FXN: variants seen among roughly 807,000 people sequenced by gnomAD.
The protein encoded by FXN is frataxin.
FXN carries 14 observed loss-of-function variants against 22.4 expected under a neutral mutation model. The ratio of observed to expected loss-of-function variants is 0.62; its 90% CI spans 0.41 to 0.98. The LOEUF (loss-of-function observed/expected upper bound fraction) is 0.98, where lower values mean the gene tolerates loss of function less well. Among genes scored for constraint, FXN ranks in the 50% least tolerant of loss-of-function variants. The pLI is 0.00. For missense variants in FXN, 267 were observed against 268.4 expected (o/e 0.99, Z 0.04); for synonymous variants, 120 against 114.1 (o/e 1.05, Z -0.33).
rs1832346287 is a variant in FXN, at chr9:69,075,346, G to C, written c.*2584G>C. The C allele has an allele frequency of 6.8e-6, 4 of 586,500 alleles. No homozygotes were observed. Among genetic ancestry groups the C allele is most frequent in the Non-Finnish European group, 8.6e-6 (4 of 466,126 alleles). The allele number at this position is 586,500 out of a possible 1,614,324, so 36.3% of individuals were successfully genotyped here. A position where few individuals can be genotyped will look rare whatever the true frequency, so the allele number is the denominator to read the frequency against. On this transcript the variant is annotated 3_prime_UTR_variant, in exon 5 of 5. Transcript: ENST00000484259. The stretch of plus-strand genomic sequence containing the variant: ...GTGGTGGTTCGTGCCTATAATTTCA[G>C]CTACTCAGGAGGCTGAGGCAGGAGA...
chr9:69,073,507 A>G lies in FXN; in HGVS notation c.*745A>G, dbSNP rs1393440956. 3 of 985,436 alleles carry G rather than the reference A, an allele frequency of 3.0e-6. No individual in the cohort carries two copies. The highest frequency in any genetic ancestry group is 6.1e-5 in the Admixed American group (1 of 16,272). The allele number at this position is 985,436 out of a possible 1,614,324, so 61.0% of individuals were successfully genotyped here. A position where few individuals can be genotyped will look rare whatever the true frequency, so the allele number is the denominator to read the frequency against. ...GAAAAGAGGAAAAAAAGCCGTTTTC[A>G]TGAGCTGAGTGATGTAGCGTAACAA... is the stretch of plus-strand genomic sequence containing the variant. On this transcript the variant is annotated 3_prime_UTR_variant, in exon 5 of 5. Coordinates refer to ENST00000484259, the MANE Select transcript of FXN (RefSeq NM_000144.5).
Position 69,075,416 on chromosome 9 carries a change from T to G in FXN, c.*2654T>G. On this transcript the variant is annotated 3_prime_UTR_variant, in exon 5 of 5. Transcript: ENST00000484259. ...TGGAGGTTGCAGTGAGACGAGATCA[T>G]GCCACTTCACTCCAGCCTGGCCAAC... The G allele has an allele frequency of 2.3e-6, 2 of 871,754 alleles. No homozygotes were observed. Among genetic ancestry groups the G allele is most frequent in the Non-Finnish European group, 2.8e-6 (2 of 727,072 alleles). The allele number at this position is 871,754 out of a possible 1,614,324, so 54.0% of individuals were successfully genotyped here.
chr9:69,066,267 G>A (rs1440368724), intron 4 of FXN, among the ~76,000 whole-genome samples: 2 of 152,164 alleles, frequency 1.3e-5, no homozygotes, highest in African/African-American at 2.4e-5. Flanking sequence ...AACGGTATTT[G>A]CATTTTTTAA....
intron 1 of FXN, among the ~76,000 whole-genome samples, chr9:69,044,249 T>C (rs1365850172): frequency 6.6e-6 from 1 of 152,144 alleles, no homozygotes; most frequent in African/African-American, 2.4e-5. Context: ...CTCACAGGAT[T>C]GTAATGAAGA....
At chr9:69,047,336 GACACACAC>G (rs1028907172) in intron 2 of FXN, among the ~76,000 whole-genome samples, 4 of 146,658 alleles carry the variant, frequency 2.7e-5, no homozygotes, top group African/African-American at 1.0e-4. Context: ...CACAGACACA[GACACACAC>G]ACACAGACAC....
intron 3 of FXN, among the ~76,000 whole-genome samples, chr9:69,054,625 A>G (rs746484178): frequency 2.6e-5 from 4 of 151,114 alleles, no homozygotes; most frequent in Non-Finnish European, 5.9e-5. Context: ...TCCTGCCTCA[A>G]CCTCCCAAGT....
At chr9:69,055,473 C>T (rs1335770111) in intron 3 of FXN, among the ~76,000 whole-genome samples, 4 of 151,374 alleles carry the variant, frequency 2.6e-5, no homozygotes, top group African/African-American at 9.7e-5. Flanking sequence ...CTAGCAGCTG[C>T]GTTTGGTTTA....
At chr9:69,058,069 G>T (rs1178966466) in intron 3 of FXN, among the ~76,000 whole-genome samples, 2 of 152,038 alleles carry the variant, frequency 1.3e-5, no homozygotes, top group Admixed American at 6.6e-5. Flanking sequence ...TTACCAACTC[G>T]CTACTGGCCA....
intron 4 of FXN, among the ~76,000 whole-genome samples, chr9:69,069,747 C>T (rs1832239453): frequency 6.6e-6 from 1 of 152,238 alleles, no homozygotes; most frequent in Non-Finnish European, 1.5e-5. Flanking sequence ...GCCTGAACTG[C>T]ACCAAAAACG....
intron 3 of FXN, among the ~76,000 whole-genome samples, chr9:69,060,744 A>G (rs1446639002): frequency 2.0e-5 from 3 of 152,194 alleles, no homozygotes; most frequent in Non-Finnish European, 4.4e-5. Context: ...CCTTGCCCTA[A>G]GTTGGGCAGA....
At position 69,078,090 on chromosome 9, in the gene FXN, GAGAA is replaced by G. The variant is rs1832403640; in HGVS notation, c.*5334_*5337del. The G allele has an allele frequency of 2.0e-6, 2 of 985,230 alleles. No individual in the cohort carries two copies. The highest frequency in any genetic ancestry group is 6.2e-5 in the Admixed American group (1 of 16,240). 61.0% of individuals were successfully genotyped at this position (985,230 alleles called of 1,614,324 possible). Reference sequence around the variant, plus strand: ...GAAAATGGCTTAAATAAAACCCTAAGAGAAAGAAAAACTTTAAATCCCTCCAAAG... The same window carrying G: ...GAAAATGGCTTAAATAAAACCCTAAGAGAAAAACTTTAAATCCCTCCAAAG... On this transcript the variant is annotated 3_prime_UTR_variant, in exon 5 of 5. Transcript: ENST00000484259.
chr9:69,055,640 T>C (rs1333232862), intron 3 of FXN, among the ~76,000 whole-genome samples: 2 of 151,268 alleles, frequency 1.3e-5, no homozygotes, highest in Non-Finnish European at 1.5e-5. Context: ...ATTACAGACA[T>C]GTACCACAAT....
chr9:69,071,394 G>A (rs1232243820), intron 4 of FXN, among the ~76,000 whole-genome samples: 2 of 152,170 alleles, frequency 1.3e-5, no homozygotes, highest in East Asian at 3.8e-4. Context: ...CTCAGTCTTT[G>A]GAAAAGCCCT....
In FXN at chr9:69,078,226, C is replaced by A; in HGVS notation, c.*5464C>A. On this transcript the variant is annotated 3_prime_UTR_variant, in exon 5 of 5. Coordinates refer to ENST00000484259, the MANE Select transcript of FXN (RefSeq NM_000144.5). ...GTGCCACTGTTGACAGAGATTATAA[C>A]TACAATGTGAAGTGAATGGTGCCAC... is the stretch of plus-strand genomic sequence containing the variant. 1 of 984,212 alleles carries A rather than the reference C, an allele frequency of 1.0e-6. No homozygotes were observed. The highest frequency in any genetic ancestry group is 1.7e-5 in the African/African-American group (1 of 57,342). The allele number at this position is 984,212 out of a possible 1,614,324, so 61.0% of individuals were successfully genotyped here.
Position 69,078,329 on chromosome 9 carries a change from C to T in FXN, c.*5567C>T, listed in dbSNP as rs1430761812. 1 of 985,358 alleles carries T rather than the reference C, an allele frequency of 1.0e-6. No individual in the cohort carries two copies. The highest frequency in any genetic ancestry group is 1.2e-6 in the Non-Finnish European group (1 of 829,984). 61.0% of individuals were successfully genotyped at this position (985,358 alleles called of 1,614,324 possible). ...CTCTTGCCAGTCCATCAGCAGTTCC[C>T]CTTGAAAGTTTCACCAAACATCCCT... On this transcript the variant is annotated 3_prime_UTR_variant, in exon 5 of 5. Transcript: ENST00000484259.
At chr9:69,065,194 A>G (rs960132994) in intron 4 of FXN, 159 bp downstream of exon 4, 12 of 685,086 alleles carry the variant, frequency 1.8e-5, no homozygotes, top group African/African-American at 1.6e-4. Context: ...TGAGGACAGG[A>G]GTTCAGAACC....
chr9:69,037,270 C>CG (rs1220578666), intron 1 of FXN, among the ~76,000 whole-genome samples: 13 of 80,652 alleles, frequency 1.6e-4, no homozygotes, highest in Admixed American at 1.4e-4. Flanking sequence ...CTAAAAAATA[C>CG]AAAAAAAAAA....
chr9:69,055,244 A>G (rs2133113618), intron 3 of FXN, among the ~76,000 whole-genome samples: 1 of 152,334 alleles, frequency 6.6e-6, no homozygotes, highest in Middle Eastern at 3.4e-3. Flanking sequence ...CAGCCTGATC[A>G]GAGGTGGGGG....
Position 69,075,767 on chromosome 9 carries a change from G to A in FXN, c.*3005G>A. The stretch of plus-strand genomic sequence containing the variant: ...ATTTTTTGAGACAGGATCTCACTTT[G>A]GCACTCAGGCTGGAGGACAGTGGTA... On this transcript the variant is annotated 3_prime_UTR_variant, in exon 5 of 5. Coordinates refer to ENST00000484259, the MANE Select transcript of FXN (RefSeq NM_000144.5). 3 of 949,782 alleles carry A rather than the reference G, an allele frequency of 3.2e-6. No individual in the cohort carries two copies. Among genetic ancestry groups the A allele is most frequent in the Non-Finnish European group, 3.8e-6 (3 of 797,702 alleles). The allele number at this position is 949,782 out of a possible 1,614,324, so 58.8% of individuals were successfully genotyped here.
Sources: gnomAD v4.1 joint callset for allele counts (sites outside exome capture counted in the v4.1 genomes callset) on GRCh38, gnomAD v4.1.1 for gene constraint, MANE v1.5 for transcripts, NCBI Gene and HGNC (gene_info 2026-07-23, HGNC 2026-07-21) for gene names.